Variants in BMPER observed in about 807,000 individuals in gnomAD.
BMPER encodes BMP-binding endothelial regulator protein.
A neutral mutation model predicts 87.3 loss-of-function variants in BMPER; 45 were observed. That is an observed-to-expected ratio of 0.52 (90% CI 0.41 to 0.66). The LOEUF (loss-of-function observed/expected upper bound fraction) is 0.66, where lower values mean the gene tolerates loss of function less well. Ranked by LOEUF, BMPER falls within the 30% of genes least tolerant of loss-of-function variation. The pLI, the probability that BMPER is intolerant of heterozygous loss-of-function variation, is 0.00. For missense variants in BMPER, 784 were observed against 867.5 expected (o/e 0.90, Z 1.21); for synonymous variants, 326 against 316.2 (o/e 1.03, Z -0.33).
At chr7:34,005,628 C>A (rs1786708571) in intron 6 of BMPER, among the ~76,000 whole-genome samples, 2 of 151,860 alleles carry the variant, frequency 1.3e-5, no homozygotes, top group Non-Finnish European at 2.9e-5. Context: ...TTGTCTCAAA[C>A]TCCTGGCTTC....
At chr7:34,018,320 TC>T (rs1787089625) in intron 6 of BMPER, among the ~76,000 whole-genome samples, 1 of 151,910 alleles carries the variant, frequency 6.6e-6, no homozygotes, top group South Asian at 2.1e-4. Flanking sequence ...CCCTCTTCAC[TC>T]CAACTGCCCT....
chr7:34,093,652 T>C (rs1789453266), intron 13 of BMPER, among the ~76,000 whole-genome samples: 1 of 152,192 alleles, frequency 6.6e-6, no homozygotes, highest in Non-Finnish European at 1.5e-5. Flanking sequence ...TTTGATTTGA[T>C]TTTATATATT....
chr7:34,023,410 T>C (rs968845542), intron 6 of BMPER, among the ~76,000 whole-genome samples: 2 of 152,062 alleles, frequency 1.3e-5, no homozygotes, highest in Non-Finnish European at 2.9e-5. Flanking sequence ...TGTGTTTTCT[T>C]GCTGAAAGAG....
At chr7:34,127,872 T>G (rs1323768151) in intron 13 of BMPER, among the ~76,000 whole-genome samples, 2 of 152,224 alleles carry the variant, frequency 1.3e-5, no homozygotes, top group African/African-American at 4.8e-5. Flanking sequence ...AATAGCTGCT[T>G]AATCCCTACA....
intron 2 of BMPER, among the ~76,000 whole-genome samples, chr7:33,916,044 A>C (rs981074214): frequency 1.3e-5 from 2 of 152,260 alleles, no homozygotes; most frequent in Admixed American, 6.5e-5. Flanking sequence ...CCACCATTGA[A>C]GTGTCATGGA....
At chr7:33,964,159 G>A (rs1026144923) in intron 3 of BMPER, among the ~76,000 whole-genome samples, 1 of 152,122 alleles carries the variant, frequency 6.6e-6, no homozygotes, top group Non-Finnish European at 1.5e-5. Flanking sequence ...ATCTTAGAAC[G>A]TAAACCCAAA....
At chr7:33,937,215 C>T in intron 2 of BMPER, 74 bp from the exon 3 acceptor site, 4 of 1,494,904 alleles carry the variant, frequency 2.7e-6, no homozygotes, top group Non-Finnish European at 1.9e-6. Flanking sequence ...CTCGGGAAAC[C>T]TCTGTGGTGT....
chr7:33,964,745 A>G (rs1443410002), intron 3 of BMPER, among the ~76,000 whole-genome samples: 1 of 152,200 alleles, frequency 6.6e-6, no homozygotes, highest in African/African-American at 2.4e-5. Flanking sequence ...TTCCTCCTCT[A>G]AAACAAAAAA....
chr7:34,111,995 C>T (rs1450623173), intron 13 of BMPER, among the ~76,000 whole-genome samples: 1 of 152,092 alleles, frequency 6.6e-6, no homozygotes, highest in African/African-American at 2.4e-5. Flanking sequence ...TAAAAAAAAT[C>T]TTGTATTATC....
chr7:33,915,571 C>T (rs1278122219), intron 2 of BMPER, among the ~76,000 whole-genome samples: 1 of 152,082 alleles, frequency 6.6e-6, no homozygotes, highest in African/African-American at 2.4e-5. Context: ...GGTAGCTGTG[C>T]ACCACTGAGC....
chr7:34,021,130 A>AT (rs767711926), intron 6 of BMPER, among the ~76,000 whole-genome samples: 3 of 151,986 alleles, frequency 2.0e-5, no homozygotes, highest in East Asian at 1.9e-4. Context: ...CGAGAAGAGC[A>AT]TTTTTTTAAG....
intron 6 of BMPER, among the ~76,000 whole-genome samples, chr7:34,014,962 G>A (rs111565593): frequency 0.03 from 4,617 of 151,820 alleles, 98 homozygotes; most frequent in Non-Finnish European, 0.047. Context: ...CACTCAGTAG[G>A]GTTTCTGCCC....
chr7:34,029,326 T>A (rs913688891), intron 6 of BMPER, among the ~76,000 whole-genome samples: 4 of 152,116 alleles, frequency 2.6e-5, no homozygotes, highest in African/African-American at 9.7e-5. Flanking sequence ...GTTGATATTA[T>A]TTTAATTTCA....
At chr7:34,135,651 C>T (rs889711558) in intron 13 of BMPER, among the ~76,000 whole-genome samples, 17 of 152,136 alleles carry the variant, frequency 1.1e-4, no homozygotes, top group Middle Eastern at 3.2e-3. Flanking sequence ...AAATTCTGTG[C>T]CTCTACTCAG....
intron 5 of BMPER, among the ~76,000 whole-genome samples, chr7:33,971,017 A>T (rs987034398): frequency 2.6e-5 from 4 of 152,090 alleles, no homozygotes; most frequent in African/African-American, 9.7e-5. Context: ...CTGCCCTTAC[A>T]TACAAGCCTG....
chr7:33,946,177 C>T (rs967963016), intron 3 of BMPER, among the ~76,000 whole-genome samples: 9 of 152,288 alleles, frequency 5.9e-5, no homozygotes, highest in African/African-American at 2.2e-4. Flanking sequence ...AAATGCCAGA[C>T]ACTTATAAAA....
At chr7:34,113,470 ATTTAT>A (rs5883451) in intron 13 of BMPER, among the ~76,000 whole-genome samples, 4 of 149,598 alleles carry the variant, frequency 2.7e-5, no homozygotes, top group Non-Finnish European at 5.9e-5. Flanking sequence ...TTACAGTTTC[ATTTAT>A]TTTATTTTAT....
chr7:34,007,499 C>G (rs1436243341), intron 6 of BMPER, among the ~76,000 whole-genome samples: 1 of 151,948 alleles, frequency 6.6e-6, no homozygotes, highest in Non-Finnish European at 1.5e-5. Flanking sequence ...CATGCATTTA[C>G]AGCCATAAGC....
At chr7:34,122,072 G>A (rs1042602436) in intron 13 of BMPER, among the ~76,000 whole-genome samples, 3 of 139,868 alleles carry the variant, frequency 2.1e-5, no homozygotes, top group African/African-American at 5.1e-5. Flanking sequence ...GCAGTGAGGC[G>A]TGATTATGCC....
Sources: allele counts gnomAD v4.1 joint callset (sites outside exome capture counted in the v4.1 genomes callset), GRCh38; gene constraint gnomAD v4.1.1; transcripts MANE v1.5; gene names NCBI Gene and HGNC (gene_info 2026-07-23, HGNC 2026-07-21).